NBEAL1: variants seen among roughly 807,000 people sequenced by gnomAD.
NBEAL1 encodes the protein neurobeachin like 1.
In NBEAL1, 273 loss-of-function variants were observed where a neutral mutation model predicts 351.3. That is an observed-to-expected ratio of 0.78 (90% CI 0.70 to 0.86). NBEAL1 has a LOEUF of 0.86. Ranked by LOEUF, NBEAL1 falls within the 40% of genes least tolerant of loss-of-function variation. NBEAL1 has a pLI of 0.00. For missense variants in NBEAL1, 2,961 were observed against 3,201.3 expected (o/e 0.92, Z 1.81); for synonymous variants, 1,050 against 1,086.4 (o/e 0.97, Z 0.66).
rs769416087 is a variant in NBEAL1, at chr2:203,042,585, CT to C, written c.143+744del. ...TCCAGCCCTCTAATTAATGCTTGTT[CT>C]TTTTTTTTTTTTTTCTTTTTTTTGA... On this transcript the variant is annotated intron_variant, in intron 3 of 55. Transcript: ENST00000683969. 5.4e-3 allele frequency among the ~76,000 whole-genome samples: 745 copies of C among 137,326 alleles called. 2 individuals carry two copies. The highest frequency in any genetic ancestry group is 0.013 in the African/African-American group (485 of 37,612). The allele number at this position is 137,326 out of a possible 152,430, so 90.1% of individuals were successfully genotyped here. A position where few individuals can be genotyped will look rare whatever the true frequency, so the allele number is the denominator to read the frequency against.
chr2:203,119,423 G>GTTTTTTTTTTT (rs1559379701), intron 18 of NBEAL1, among the ~76,000 whole-genome samples: 16 of 21,428 alleles, frequency 7.5e-4, no homozygotes, highest in Non-Finnish European at 1.7e-3. Context: ...ACGGCCTGTT[G>GTTTTTTTTTTT]CTTTTTTTTT....
intron 36 of NBEAL1, among the ~76,000 whole-genome samples, chr2:203,162,263 A>C (rs1416493910): frequency 6.6e-6 from 1 of 151,750 alleles, no homozygotes; most frequent in Admixed American, 6.6e-5. Context: ...ACCCCAAGTG[A>C]TACTCCCACC....
chr2:203,084,781 G>A (rs528632126), intron 10 of NBEAL1: 30 of 369,834 alleles, frequency 8.1e-5, no homozygotes, highest in African/African-American at 1.7e-4. Flanking sequence ...GAATTTCTTT[G>A]TATGGGAAGA....
intron 10 of NBEAL1, among the ~76,000 whole-genome samples, chr2:203,086,661 A>G (rs1003174984): frequency 2.0e-5 from 3 of 151,970 alleles, no homozygotes; most frequent in African/African-American, 4.8e-5. Flanking sequence ...CAGCCCCCCA[A>G]ATAGCTGGGA....
chr2:203,048,911 C>T (rs1420907921), intron 3 of NBEAL1, among the ~76,000 whole-genome samples: 16 of 145,618 alleles, frequency 1.1e-4, no homozygotes, highest in African/African-American at 3.8e-4. Context: ...ACCCTTTTAT[C>T]TCTCTTCTTT....
Position 203,016,145 on chromosome 2 carries a change from C to A in NBEAL1, c.-229-11C>A. ...CTTTTTCTAACCTGTGGATGTTTTT[C>A]TCTTTCACAGATTTATTTAATTGCC... On this transcript the variant is annotated splice_polypyrimidine_tract_variant and intron_variant, in intron 1 of 55. Transcript: ENST00000683969. 2 of 346,094 alleles carry A rather than the reference C, an allele frequency of 5.8e-6. No individual in the cohort carries two copies. Among genetic ancestry groups the A allele is most frequent in the Non-Finnish European group, 5.1e-6 (1 of 194,784 alleles). The allele number at this position is 346,094 out of a possible 1,614,324, so 21.4% of individuals were successfully genotyped here. A position where few individuals can be genotyped will look rare whatever the true frequency, so the allele number is the denominator to read the frequency against.
chr2:203,164,033 A>T (rs1256755668), intron 36 of NBEAL1, among the ~76,000 whole-genome samples: 2 of 151,998 alleles, frequency 1.3e-5, no homozygotes, highest in East Asian at 3.8e-4. Flanking sequence ...TGTTTTGTGC[A>T]TATTTTTACT....
At chr2:203,030,092 AG>A (rs2060926484) in intron 2 of NBEAL1, among the ~76,000 whole-genome samples, 2 of 152,240 alleles carry the variant, frequency 1.3e-5, no homozygotes, top group Admixed American at 1.3e-4. Context: ...AAGATGTTCC[AG>A]GCAAGTGTAA....
intron 8 of NBEAL1, among the ~76,000 whole-genome samples, chr2:203,079,726 T>C (rs2061839421): frequency 6.6e-6 from 1 of 152,200 alleles, no homozygotes; most frequent in Non-Finnish European, 1.5e-5. Flanking sequence ...GTAAATTTTA[T>C]TTAAAGATAC....
chr2:203,151,239 C>T (rs1028762494), intron 34 of NBEAL1, among the ~76,000 whole-genome samples: 3 of 151,856 alleles, frequency 2.0e-5, no homozygotes, highest in Admixed American at 6.6e-5. Context: ...GGCTGAGGCA[C>T]GAGAATCACT....
At chr2:203,176,403 G>C (rs1269086717) in intron 42 of NBEAL1, among the ~76,000 whole-genome samples, 2 of 151,908 alleles carry the variant, frequency 1.3e-5, no homozygotes, top group Non-Finnish European at 2.9e-5. Context: ...GTAAGTATCT[G>C]ATAGAAGATA....
chr2:203,148,219 G>T (rs2063557781), intron 33 of NBEAL1, among the ~76,000 whole-genome samples: 1 of 151,962 alleles, frequency 6.6e-6, no homozygotes, highest in Non-Finnish European at 1.5e-5. Flanking sequence ...TATTATGACA[G>T]TTATTGTTAA....
rs777737730 is a variant in NBEAL1, at chr2:203,197,323, C to G, written c.7060C>G (p.Leu2354Val). ...ATAGGGGATTAGTGATGGTATTCCA[C>G]TATTAAAGGCCACCATCCCCAAAAA... is the stretch of plus-strand genomic sequence containing the variant. The part of the protein sequence containing the change: ...FIEGISDGIP[L>V]LKATIPKNQY... Residue 2354 changes from leucine to valine, a missense_variant, in exon 48 of 56, where the codon CTA becomes GTA. Coordinates refer to ENST00000683969, the MANE Select transcript of NBEAL1 (RefSeq NM_001378026.1). 2 of 1,594,906 alleles carry G rather than the reference C, an allele frequency of 1.3e-6. No individual in the cohort carries two copies. The highest frequency in any genetic ancestry group is 2.2e-5 in the South Asian group (2 of 90,640).
rs1316270193 is a variant in NBEAL1 at position 203,202,725 on chromosome 2, C to T, written c.7450C>T (p.His2484Tyr). The change falls in exon 51 of 56, where the codon CAT (histidine) becomes TAT (tyrosine). Residue 2484 changes from histidine to tyrosine, a missense_variant. His to Tyr is a moderately conservative substitution (Grantham distance 83). Coordinates refer to ENST00000683969, the MANE Select transcript of NBEAL1 (RefSeq NM_001378026.1). The stretch of plus-strand genomic sequence containing the variant: ...CTTAGCTACAGATTACTGTGGAATA[C>T]ATTTGATTTCTGGTTCCAGAGATAC... ...TCLATDYCGI[H>Y]LISGSRDTTC... The T allele has an allele frequency of 6.2e-7, 1 of 1,601,520 alleles. No individual in the cohort carries two copies. The highest frequency in any genetic ancestry group is 8.6e-7 in the Non-Finnish European group (1 of 1,169,048).
At chr2:203,106,070 G>A (rs2062430773) in intron 12 of NBEAL1, among the ~76,000 whole-genome samples, 1 of 152,110 alleles carries the variant, frequency 6.6e-6, no homozygotes, top group African/African-American at 2.4e-5. Context: ...AGAGTTTTCT[G>A]TCTCTTCTCA....
chr2:203,042,881 T>A (rs1354955079), intron 3 of NBEAL1, among the ~76,000 whole-genome samples: 2 of 152,148 alleles, frequency 1.3e-5, no homozygotes, highest in African/African-American at 2.4e-5. Context: ...CCACTGCCCC[T>A]TGGCCAATGC....
chr2:203,201,694 T>G lies in NBEAL1; in HGVS notation c.7390T>G (p.Ser2464Ala). Residue 2464 changes from serine to alanine, a missense_variant, in exon 50 of 56, where the codon TCA becomes GCA. Physicochemically the swap from Ser to Ala is moderately conservative, Grantham distance 99. Transcript: ENST00000683969. ...GTCACTTACAAAAGGCAAAATTATC[T>G]CACACATCATCCGGCATATGGGTAA... ...VMSLTKGKII[S>A]HIIRHMDIVT... 6.2e-7 allele frequency: 1 copy of G among 1,601,952 alleles called. No homozygotes were observed. The highest frequency in any genetic ancestry group is 8.5e-7 in the Non-Finnish European group (1 of 1,173,392).
In NBEAL1 at chr2:203,042,091, A is replaced by T. The variant is rs559634619; in HGVS notation, c.143+235A>T. Among the ~76,000 whole-genome samples the T allele has an allele frequency of 7.2e-5, 11 of 152,318 alleles. No individual in the cohort carries two copies. The East Asian group carries it at 2.1e-3, about 29-fold the overall frequency. ...ACACTACCAGCTGGTGTTCTGCAAC[A>T]CACTTCATTTCTGACACTAACTACC... On this transcript the variant is annotated intron_variant, in intron 3 of 55. Transcript: ENST00000683969.
At chr2:203,106,394 A>G (rs976160412) in intron 12 of NBEAL1, among the ~76,000 whole-genome samples, 1 of 152,204 alleles carries the variant, frequency 6.6e-6, no homozygotes, top group African/African-American at 2.4e-5. Context: ...AAATGTTGAC[A>G]TAACTCATGG....
Sources: allele counts gnomAD v4.1 joint callset (sites outside exome capture counted in the v4.1 genomes callset), GRCh38; gene constraint gnomAD v4.1.1; transcripts MANE v1.5; gene names NCBI Gene and HGNC (gene_info 2026-07-23, HGNC 2026-07-21).